Variants in RPAP3 observed in about 807,000 individuals in gnomAD.
The protein encoded by RPAP3 is RNA polymerase II-associated protein 3.
A neutral mutation model predicts 88.8 loss-of-function variants in RPAP3; 58 were observed. The observed-to-expected ratio is 0.65, with a 90% CI of 0.53 to 0.81. The LOEUF (loss-of-function observed/expected upper bound fraction) is 0.81. RPAP3 is among the 40% of genes least tolerant of loss of function. The probability of loss-of-function intolerance (pLI) is 0.00; values close to 1 mark genes in which losing one functional copy is unlikely to be tolerated. For missense variants in RPAP3, 751 were observed against 764.3 expected (o/e 0.98, Z 0.20); for synonymous variants, 255 against 259.9 (o/e 0.98, Z 0.18).
chr12:47,692,363 T>C (rs1036812752), intron 5 of RPAP3, among the ~76,000 whole-genome samples: 2 of 152,226 alleles, frequency 1.3e-5, no homozygotes, highest in Non-Finnish European at 2.9e-5. Context: ...TCAATTACCT[T>C]AGCTAGATCT....
chr12:47,677,380 A>G (rs1004183297), intron 12 of RPAP3, among the ~76,000 whole-genome samples: 58 of 152,182 alleles, frequency 3.8e-4, no homozygotes, highest in Non-Finnish European at 4.4e-4. Flanking sequence ...ACAATGTCGG[A>G]AGTTCTGGCC....
At chr12:47,705,758 G>C (rs1389060148) in intron 1 of RPAP3, among the ~76,000 whole-genome samples, 194 bp downstream of exon 1, 2 of 152,144 alleles carry the variant, frequency 1.3e-5, no homozygotes, top group Non-Finnish European at 2.9e-5. Flanking sequence ...TTGCGGGGGC[G>C]AGCCCCTCCG....
At chr12:47,705,189 G>A (rs996600341) in intron 1 of RPAP3, among the ~76,000 whole-genome samples, 2 of 152,162 alleles carry the variant, frequency 1.3e-5, no homozygotes, top group East Asian at 1.9e-4. Flanking sequence ...TAGGCGGAGG[G>A]AAGAGAAGTA....
intron 10 of RPAP3, among the ~76,000 whole-genome samples, chr12:47,680,611 T>C (rs1347609776): frequency 6.6e-6 from 1 of 151,192 alleles, no homozygotes; most frequent in African/African-American, 2.4e-5. Flanking sequence ...AAACAGCAAA[T>C]TAAACCAAAA....
chr12:47,682,289 T>A (rs1435693419), intron 9 of RPAP3, among the ~76,000 whole-genome samples: 1 of 152,196 alleles, frequency 6.6e-6, no homozygotes, highest in Non-Finnish European at 1.5e-5. Context: ...ATACTTTGCA[T>A]AAATTCTACT....
chr12:47,698,574 T>C (rs1939583698), intron 3 of RPAP3, among the ~76,000 whole-genome samples: 1 of 152,188 alleles, frequency 6.6e-6, no homozygotes, highest in African/African-American at 2.4e-5. Context: ...AGTGCAGTAG[T>C]GTGATGTCAG....
intron 9 of RPAP3, among the ~76,000 whole-genome samples, chr12:47,684,798 C>T (rs1394721233): frequency 1.3e-5 from 2 of 152,130 alleles, no homozygotes; most frequent in Non-Finnish European, 2.9e-5. Context: ...TCTTCGATAG[C>T]AAAAATCAAA....
chr12:47,676,109 C>T (rs963622295), intron 12 of RPAP3, among the ~76,000 whole-genome samples: 4 of 152,168 alleles, frequency 2.6e-5, no homozygotes, highest in African/African-American at 7.2e-5. Context: ...AACTGCACAA[C>T]TGCATGGAAA....
Position 47,663,599 on chromosome 12 carries a change from G to A in RPAP3, c.1913-9C>T. The stretch of plus-strand genomic sequence containing the variant: ...AAATAATGCACGTGCAACTGAAAAA[G>A]AAAAAGAAATTCTCCATTTTAATCT... On this transcript the variant is annotated splice_polypyrimidine_tract_variant and intron_variant, in intron 16 of 16. Coordinates refer to ENST00000005386, the MANE Select transcript of RPAP3 (RefSeq NM_024604.3). 2.7e-6 allele frequency: 4 copies of A among 1,480,862 alleles called. No homozygotes were observed. The highest frequency in any genetic ancestry group is 3.6e-6 in the Non-Finnish European group (4 of 1,097,742). 91.7% of individuals were successfully genotyped at this position (1,480,862 alleles called of 1,614,324 possible). A position where few individuals can be genotyped will look rare whatever the true frequency, so the allele number is the denominator to read the frequency against.
At position 47,697,596 on chromosome 12, in the gene RPAP3, CCTTTT is replaced by C; in HGVS notation, c.413_417del (p.Glu138GlyfsTer3). ...AAAAACAAAACCTAACTAATTAGTA[CCTTTT>C]CTTTTAAAACAAGAGCCTTTTGTGA... On this transcript the variant is annotated frameshift_variant and splice_region_variant, in exon 4 of 17. Transcript: ENST00000005386. LOFTEE classifies it high-confidence loss of function. 6.3e-7 allele frequency: 1 copy of C among 1,594,038 alleles called. No individual in the cohort carries two copies. Among genetic ancestry groups the C allele is most frequent in the South Asian group, 1.2e-5 (1 of 86,412 alleles).
chr12:47,675,516 C>T (rs1476405496), intron 12 of RPAP3, among the ~76,000 whole-genome samples: 1 of 152,102 alleles, frequency 6.6e-6, no homozygotes, highest in African/African-American at 2.4e-5. Context: ...CGTGCAAAGA[C>T]GCACATAGGC....
Position 47,661,677 on chromosome 12 carries a change from CTACA to C in RPAP3, c.*1824_*1827del, listed in dbSNP as rs1938762259. On this transcript the variant is annotated 3_prime_UTR_variant, in exon 17 of 17. Transcript: ENST00000005386. ...TCTGTACTTCTTCAGTTAACAGTCT[CTACA>C]CAGGTAACACAACATAAAAACTGCA... 6.6e-6 allele frequency: 1 copy of C among 152,182 alleles called. No individual in the cohort carries two copies. Among genetic ancestry groups the C allele is most frequent in the Non-Finnish European group, 1.5e-5 (1 of 68,034 alleles). 9.4% of individuals were successfully genotyped at this position (152,182 alleles called of 1,614,324 possible).
chr12:47,696,026 C>A, intron 5 of RPAP3: 1 of 297,028 alleles, frequency 3.4e-6, no homozygotes, highest in Admixed American at 5.0e-5. Context: ...GAAAAGAACA[C>A]TATTACTAAA....
At chr12:47,694,319 G>A (rs1939482068) in intron 5 of RPAP3, among the ~76,000 whole-genome samples, 1 of 152,208 alleles carries the variant, frequency 6.6e-6, no homozygotes, top group South Asian at 2.1e-4. Flanking sequence ...ATCCACGGGG[G>A]AAAGTAGGGC....
chr12:47,690,039 C>A (rs1939399120), intron 6 of RPAP3, among the ~76,000 whole-genome samples: 1 of 135,638 alleles, frequency 7.4e-6, no homozygotes. Flanking sequence ...AAGACTCTGT[C>A]TCAAAAAAAA....
intron 5 of RPAP3, among the ~76,000 whole-genome samples, chr12:47,692,714 A>T (rs1477046482): frequency 6.6e-6 from 1 of 152,158 alleles, no homozygotes; most frequent in Non-Finnish European, 1.5e-5. Context: ...TTTCCTTTGC[A>T]TTCACATCTT....
At chr12:47,686,942 A>T (rs767778649) in intron 8 of RPAP3, 35 bp from the exon 9 acceptor site, 6 of 1,317,874 alleles carry the variant, frequency 4.6e-6, no homozygotes, top group Non-Finnish European at 6.3e-6. Context: ...AGAATAAAAA[A>T]AAAATTTCAA....
intron 3 of RPAP3, chr12:47,699,313 G>A (rs1024950730): frequency 2.0e-5 from 3 of 152,050 alleles, no homozygotes; most frequent in Non-Finnish European, 2.9e-5. Context: ...TTCAGGAAAG[G>A]GCATTATAAG....
Position 47,690,497 on chromosome 12 carries a change from TAG to T in RPAP3, c.667+19_667+20del, listed in dbSNP as rs765081184. 2 of 1,584,124 alleles carry T rather than the reference TAG, an allele frequency of 1.3e-6. No individual in the cohort carries two copies. The highest frequency in any genetic ancestry group is 4.5e-5 in the East Asian group (2 of 44,232). ...GAGATAACACTGTTAAAGAATTCTT[TAG>T]AGAGTGACTAGAAAATACCTTTTTT... On this transcript the variant is annotated intron_variant, in intron 6 of 16. Coordinates refer to ENST00000005386, the MANE Select transcript of RPAP3 (RefSeq NM_024604.3).
Sources: allele counts gnomAD v4.1 joint callset (sites outside exome capture counted in the v4.1 genomes callset), GRCh38; gene constraint gnomAD v4.1.1; transcripts MANE v1.5; gene names NCBI Gene and HGNC (gene_info 2026-07-23, HGNC 2026-07-21).